TNFAIP8: variants seen among roughly 807,000 people sequenced by gnomAD.
TNFAIP8 encodes the protein tumor necrosis factor alpha-induced protein 8.
A neutral mutation model predicts 13.3 loss-of-function variants in TNFAIP8; 7 were observed. That is an observed-to-expected ratio of 0.52 (90% confidence interval 0.30 to 0.99). The LOEUF (loss-of-function observed/expected upper bound fraction) is 0.99, where lower values mean the gene tolerates loss of function less well. Among genes scored for constraint, TNFAIP8 ranks in the 50% least tolerant of loss-of-function variants. The pLI, the probability that TNFAIP8 is intolerant of heterozygous loss-of-function variation, is 0.07. For missense variants in TNFAIP8, 258 were observed against 236.9 expected, an observed-to-expected ratio of 1.09 and a Z score of -0.58; for synonymous variants, 94 against 87.6, an observed-to-expected ratio of 1.07 and a Z score of -0.41.
Position 119,393,193 on chromosome 5 carries a change from G to A in TNFAIP8, c.409G>A (p.Glu137Lys). Residue 137 changes from glutamate to lysine, a missense_variant, in exon 2 of 2, where the codon GAG (glutamate) becomes AAG (lysine). Transcript: ENST00000504771. ...ATCCAGGCTGTTAAATGAATGCAGA[G>A]AGATGCTGCACCAAATCATTCAGCG... ...VLSRLLNECR[E>K]MLHQIIQRHL... The A allele has an allele frequency of 1.2e-6, 2 of 1,614,042 alleles. No individual in the cohort carries two copies. Among genetic ancestry groups the A allele is most frequent in the Middle Eastern group, 1.6e-4 (1 of 6,062 alleles).
intron 1 of TNFAIP8, among the ~76,000 whole-genome samples, chr5:119,382,733 CAGT>C (rs1175783239): frequency 6.6e-6 from 1 of 152,176 alleles, no homozygotes; most frequent in Non-Finnish European, 1.5e-5. Flanking sequence ...CATGAGCACT[CAGT>C]AGCAGGGCAA....
chr5:119,318,206 CT>C (rs556058609), intron 1 of TNFAIP8, among the ~76,000 whole-genome samples: 170 of 146,506 alleles, frequency 1.2e-3, no homozygotes, highest in African/African-American at 3.1e-3. Flanking sequence ...ATTGACACTT[CT>C]TTTTTTTTTT....
At chr5:119,317,811 T>C (rs1194653741) in intron 1 of TNFAIP8, among the ~76,000 whole-genome samples, 1 of 152,116 alleles carries the variant, frequency 6.6e-6, no homozygotes, top group East Asian at 1.9e-4. Flanking sequence ...TTGGCCAGGC[T>C]GGTCTTGAAC....
intron 1 of TNFAIP8, among the ~76,000 whole-genome samples, chr5:119,339,973 TAG>T (rs1280179050): frequency 6.6e-6 from 1 of 152,220 alleles, no homozygotes; most frequent in Non-Finnish European, 1.5e-5. Context: ...CAATCAGTCA[TAG>T]AGAGTTTCAT....
intron 1 of TNFAIP8, among the ~76,000 whole-genome samples, chr5:119,376,888 G>A (rs769491537): frequency 5.3e-5 from 8 of 152,068 alleles, no homozygotes; most frequent in Admixed American, 2.0e-4. Context: ...CTCAAATGTC[G>A]CCTTTTCGGA....
At chr5:119,273,315 A>G (rs1028956107) in intron 1 of TNFAIP8, among the ~76,000 whole-genome samples, 2 of 152,224 alleles carry the variant, frequency 1.3e-5, no homozygotes, top group South Asian at 4.1e-4. Flanking sequence ...CATTCCAGTA[A>G]GTGTTAGTAC....
intron 1 of TNFAIP8, among the ~76,000 whole-genome samples, chr5:119,321,024 G>T (rs113491405): frequency 0.06 from 9,111 of 152,296 alleles, 731 homozygotes; most frequent in African/African-American, 0.18. Flanking sequence ...AGGCCATCCT[G>T]TTTAACACGG....
chr5:119,298,673 G>A (rs940893161), intron 1 of TNFAIP8, among the ~76,000 whole-genome samples: 13 of 152,124 alleles, frequency 8.5e-5, no homozygotes, highest in African/African-American at 3.1e-4. Flanking sequence ...GATTGGGGAA[G>A]TTCTCCTGGA....
At chr5:119,296,064 A>G (rs558172345) in intron 1 of TNFAIP8, among the ~76,000 whole-genome samples, 12,537 of 148,062 alleles carry the variant, frequency 0.085, 637 homozygotes, top group African/African-American at 0.17. Flanking sequence ...CAATCATGTC[A>G]TCTGCAAACA....
intron 1 of TNFAIP8, chr5:119,333,321 T>TGTTGTG: frequency 8.1e-7 from 1 of 1,239,648 alleles, no homozygotes; most frequent in Non-Finnish European, 1.0e-6. Context: ...AAAGGCTACC[T>TGTTGTG]AATGCATTCC....
intron 1 of TNFAIP8, among the ~76,000 whole-genome samples, chr5:119,292,428 A>G (rs1025609245): frequency 6.6e-6 from 1 of 151,792 alleles, no homozygotes; most frequent in African/African-American, 2.4e-5. Context: ...TTCCTTATTT[A>G]TTAAATAAAA....
intron 1 of TNFAIP8, among the ~76,000 whole-genome samples, chr5:119,315,178 G>T (rs368636145): frequency 1.3e-5 from 2 of 152,234 alleles, no homozygotes; most frequent in East Asian, 3.8e-4. Context: ...CGCCTCCGGG[G>T]TTCTCACCAT....
chr5:119,319,622 G>A (rs888791362), intron 1 of TNFAIP8, among the ~76,000 whole-genome samples: 3 of 152,094 alleles, frequency 2.0e-5, no homozygotes, highest in African/African-American at 7.2e-5. Context: ...AGGATTGAGT[G>A]GATTAAGTCC....
At chr5:119,386,912 C>T (rs1419661362) in intron 1 of TNFAIP8, among the ~76,000 whole-genome samples, 1 of 152,076 alleles carries the variant, frequency 6.6e-6, no homozygotes, top group African/African-American at 2.4e-5. Context: ...CTGACCCTTC[C>T]AGGGCAGCCC....
At chr5:119,268,791 C>T (rs55703318) in exon 1 of TNFAIP8, 42,219 of 689,804 alleles carry the variant, frequency 0.061, 1,564 homozygotes, top group Non-Finnish European at 0.08. Context: ...GGCTCTAACC[C>T]GCGCTTGGCT....
At chr5:119,337,393 T>C (rs1750589304) in intron 1 of TNFAIP8, among the ~76,000 whole-genome samples, 1 of 152,188 alleles carries the variant, frequency 6.6e-6, no homozygotes, top group African/African-American at 2.4e-5. Flanking sequence ...TTTGGTATCA[T>C]TTCTCCTTTC....
At chr5:119,371,209 A>G (rs1013058981) in intron 1 of TNFAIP8, among the ~76,000 whole-genome samples, 1 of 152,208 alleles carries the variant, frequency 6.6e-6, no homozygotes, top group Non-Finnish European at 1.5e-5. Flanking sequence ...TTTGCTATAG[A>G]ATATACCCTG....
chr5:119,325,989 C>T (rs926670975), intron 1 of TNFAIP8, among the ~76,000 whole-genome samples: 1 of 152,182 alleles, frequency 6.6e-6, no homozygotes, highest in South Asian at 2.1e-4. Flanking sequence ...TTTCACAATC[C>T]GTCCTTCATT....
At chr5:119,380,960 C>G (rs1752461729) in intron 1 of TNFAIP8, among the ~76,000 whole-genome samples, 2 of 152,170 alleles carry the variant, frequency 1.3e-5, no homozygotes, top group South Asian at 4.1e-4. Context: ...ATAATCTACT[C>G]ACAGCATGCC....
Sources: allele counts gnomAD v4.1 joint callset (sites outside exome capture counted in the v4.1 genomes callset), GRCh38; gene constraint gnomAD v4.1.1; transcripts MANE v1.5; gene names NCBI Gene and HGNC (gene_info 2026-07-23, HGNC 2026-07-21).